The following SPPL3 variants were observed in gnomAD, a reference collection of about 807,000 sequenced individuals.
SPPL3 encodes signal peptide peptidase-like 3.
Under a neutral mutation model 42.4 loss-of-function variants are expected in SPPL3, and 5 were observed. The ratio of observed to expected loss-of-function variants is 0.12; its 90% CI spans 0.06 to 0.25. The LOEUF (loss-of-function observed/expected upper bound fraction) is 0.25, where lower values mean the gene tolerates loss of function less well. Among genes scored for constraint, SPPL3 ranks in the 10% least tolerant of loss-of-function variants. The pLI, the probability that SPPL3 is intolerant of heterozygous loss-of-function variation, is 1.00. For synonymous variants in SPPL3, 195 were observed against 181.8 expected (o/e 1.07, Z -0.58); for missense variants, 235 against 489.0 (o/e 0.48, Z 4.90).
chr12:120,825,145 A>G (rs1424530926), intron 1 of SPPL3, among the ~76,000 whole-genome samples: 1 of 152,246 alleles, frequency 6.6e-6, no homozygotes, highest in African/African-American at 2.4e-5. Flanking sequence ...GGACAGATCC[A>G]AACTTACATA....
intron 1 of SPPL3, among the ~76,000 whole-genome samples, chr12:120,843,190 TAG>T (rs1444273070): frequency 6.6e-6 from 1 of 152,164 alleles, no homozygotes; most frequent in African/African-American, 2.4e-5. Flanking sequence ...AGTTATAACA[TAG>T]AGTGACATTT....
chr12:120,821,499 T>C (rs1431442924), intron 1 of SPPL3, among the ~76,000 whole-genome samples: 2 of 152,260 alleles, frequency 1.3e-5, no homozygotes, highest in African/African-American at 2.4e-5. Flanking sequence ...AAAGCAGTTT[T>C]GCATTTTTAT....
intron 6 of SPPL3, 125 bp from the exon 7 acceptor site, chr12:120,769,184 A>T: frequency 1.4e-6 from 1 of 694,756 alleles, no homozygotes; most frequent in Non-Finnish European, 2.4e-6. Flanking sequence ...CCTAAGCTCC[A>T]GCTTCAGAAA....
intron 10 of SPPL3, among the ~76,000 whole-genome samples, chr12:120,765,386 C>T (rs902916193): frequency 6.6e-6 from 1 of 151,968 alleles, no homozygotes; most frequent in Non-Finnish European, 1.5e-5. Flanking sequence ...CTCCTGGGTT[C>T]AAGCGATTCT....
intron 1 of SPPL3, among the ~76,000 whole-genome samples, chr12:120,845,855 CCAT>C (rs1370354816): frequency 1.4e-5 from 2 of 141,572 alleles, no homozygotes; most frequent in Admixed American, 1.5e-4. Context: ...TGCTTAGAAT[CCAT>C]TATCTATCTA....
In SPPL3 at chr12:120,763,807, C is replaced by CT. The variant is rs1868760767; in HGVS notation, c.*1191_*1192insA. On this transcript the variant is annotated 3_prime_UTR_variant, in exon 11 of 11. Coordinates refer to ENST00000353487, the MANE Select transcript of SPPL3 (RefSeq NM_139015.5). ...AAGGACAGGATTGTGTTGCTTTTTT[C>CT]CTTTTTTTTTTTCTTAAAGGAGTGA... 2 of 58,120 alleles carry CT rather than the reference C, an allele frequency of 3.4e-5. No homozygotes were observed. The highest frequency in any genetic ancestry group is 1.4e-4 in the African/African-American group (1 of 6,898). 3.6% of individuals were successfully genotyped at this position (58,120 alleles called of 1,614,324 possible).
intron 6 of SPPL3, among the ~76,000 whole-genome samples, chr12:120,775,971 A>G (rs187499329): frequency 3.9e-5 from 6 of 152,364 alleles, no homozygotes; most frequent in Admixed American, 6.5e-5. Context: ...GAAGTCTGAA[A>G]GATAATATTC....
intron 1 of SPPL3, among the ~76,000 whole-genome samples, chr12:120,853,238 T>A (rs1213619931): frequency 6.6e-6 from 1 of 152,282 alleles, no homozygotes; most frequent in East Asian, 1.9e-4. Flanking sequence ...GCTCATCCAC[T>A]TTTTTTCCTA....
At chr12:120,892,506 A>G (rs1873671059) in intron 1 of SPPL3, among the ~76,000 whole-genome samples, 4 of 152,188 alleles carry the variant, frequency 2.6e-5, no homozygotes, top group Admixed American at 2.6e-4. Flanking sequence ...ACGAGGCAGA[A>G]GAGTCACCGT....
At chr12:120,809,770 T>C (rs1870621325) in intron 2 of SPPL3, among the ~76,000 whole-genome samples, 1 of 152,142 alleles carries the variant, frequency 6.6e-6, no homozygotes, top group South Asian at 2.1e-4. Context: ...AGAGAATACC[T>C]GGTAATGCTA....
At chr12:120,829,086 C>T (rs1267170067) in intron 1 of SPPL3, among the ~76,000 whole-genome samples, 1 of 152,132 alleles carries the variant, frequency 6.6e-6, no homozygotes, top group African/African-American at 2.4e-5. Context: ...TTTCAACAAA[C>T]AGTGTTTGAA....
At chr12:120,767,229 A>G (rs1868946306) in intron 9 of SPPL3, among the ~76,000 whole-genome samples, 165 bp downstream of exon 9, 1 of 152,218 alleles carries the variant, frequency 6.6e-6, no homozygotes, top group Admixed American at 6.5e-5. Context: ...TGGCCTATCC[A>G]GTACACAAAA....
At chr12:120,810,675 ACT>A in intron 2 of SPPL3, 132 bp downstream of exon 2, 1 of 690,818 alleles carries the variant, frequency 1.4e-6, no homozygotes, top group Middle Eastern at 2.6e-4. Flanking sequence ...AAATAGCAGA[ACT>A]CTCTATTCTG....
chr12:120,833,760 T>A (rs1871514581), intron 1 of SPPL3, among the ~76,000 whole-genome samples: 1 of 119,338 alleles, frequency 8.4e-6, no homozygotes, highest in Non-Finnish European at 1.7e-5. Flanking sequence ...AGTTGTTGAG[T>A]TTTAAAGTGT....
chr12:120,767,379 C>G lies in SPPL3; in HGVS notation c.973+15G>C, dbSNP rs199645045. The G allele has an allele frequency of 6.2e-7, 1 of 1,609,818 alleles. No individual in the cohort carries two copies. The highest frequency in any genetic ancestry group is 8.5e-7 in the Non-Finnish European group (1 of 1,179,632). Reference sequence around the variant, plus strand: ...CCAGAGCGAGGATCATCTGCAGTCTCTCTGGTTCTCTTACCTACAAAGTAT... The same window carrying G: ...CCAGAGCGAGGATCATCTGCAGTCTGTCTGGTTCTCTTACCTACAAAGTAT... On this transcript the variant is annotated intron_variant, in intron 9 of 10. Coordinates refer to ENST00000353487, the MANE Select transcript of SPPL3 (RefSeq NM_139015.5).
intron 1 of SPPL3, among the ~76,000 whole-genome samples, chr12:120,861,765 T>G (rs1364555279): frequency 6.6e-6 from 1 of 152,230 alleles, no homozygotes; most frequent in Non-Finnish European, 1.5e-5. Flanking sequence ...ACAGGTTATC[T>G]TATTCCTTGT....
At chr12:120,855,141 T>A (rs954661513) in intron 1 of SPPL3, among the ~76,000 whole-genome samples, 1 of 152,004 alleles carries the variant, frequency 6.6e-6, no homozygotes, top group African/African-American at 2.4e-5. Context: ...CCCCACAGAG[T>A]GCAAGAATGA....
chr12:120,882,368 T>C (rs992562728), intron 1 of SPPL3, among the ~76,000 whole-genome samples: 1 of 152,132 alleles, frequency 6.6e-6, no homozygotes, highest in African/African-American at 2.4e-5. Flanking sequence ...ATAATGTGCA[T>C]GTACTTAATG....
chr12:120,872,110 T>C (rs1872951050), intron 1 of SPPL3, among the ~76,000 whole-genome samples: 1 of 152,236 alleles, frequency 6.6e-6, no homozygotes, highest in African/African-American at 2.4e-5. Flanking sequence ...GCTGTATTTT[T>C]AAAGAATGTG....
Sources: gnomAD v4.1 joint callset for allele counts (sites outside exome capture counted in the v4.1 genomes callset) on GRCh38, gnomAD v4.1.1 for gene constraint, MANE v1.5 for transcripts, NCBI Gene and HGNC (gene_info 2026-07-23, HGNC 2026-07-21) for gene names.